ADAMTS3: variants seen among roughly 807,000 people sequenced by gnomAD.
The protein encoded by ADAMTS3 is A disintegrin and metalloproteinase with thrombospondin motifs 3.
A neutral mutation model predicts 129.0 loss-of-function variants in ADAMTS3; 73 were observed. The observed-to-expected ratio is 0.57, with a 90% CI of 0.47 to 0.69. The LOEUF is 0.69. Among genes scored for constraint, ADAMTS3 ranks in the 30% least tolerant of loss-of-function variants. The probability of loss-of-function intolerance (pLI) is 0.00; values close to 1 mark genes in which losing one functional copy is unlikely to be tolerated. For missense variants in ADAMTS3, 1,457 were observed against 1,514.5 expected, an observed-to-expected ratio of 0.96 and a Z score of 0.63; for synonymous variants, 477 against 510.8, an observed-to-expected ratio of 0.93 and a Z score of 0.89.
chr4:72,303,858 A>G, intron 17 of ADAMTS3, 59 bp downstream of exon 17: 3 of 1,558,060 alleles, frequency 1.9e-6, no homozygotes, highest in Non-Finnish European at 2.6e-6. Context: ...GTGTTTTCAG[A>G]TAAATTAATT....
intron 3 of ADAMTS3, among the ~76,000 whole-genome samples, chr4:72,510,426 T>C (rs528320866): frequency 5.3e-5 from 8 of 152,176 alleles, no homozygotes; most frequent in African/African-American, 1.9e-4. Flanking sequence ...TCAGTAAAGT[T>C]GCAGGATACA....
chr4:72,290,961 T>C lies in ADAMTS3; in HGVS notation c.2825A>G (p.Asn942Ser), dbSNP rs143166648. The C allele has an allele frequency of 3.3e-3, 5,370 of 1,613,996 alleles. 17 individuals carry two copies. Among genetic ancestry groups the C allele is most frequent in the Middle Eastern group, 8.4e-3 (51 of 6,060 alleles). Reference protein sequence around the residue: ...RCLQPLLDGTNRSVHSKYCMG... With the variant: ...RCLQPLLDGTSRSVHSKYCMG... ...GCAGTATTTGCTGTGCACAGAGCGG[T>C]TGGTGCCATCAAGGAGTGGCTGAAG... is the stretch of plus-strand genomic sequence containing the variant. Residue 942 changes from asparagine (N) to serine (S), a missense_variant, in exon 20 of 22, where the codon AAC becomes AGC. By Grantham distance (46) the Asn-to-Ser change is conservative (BLOSUM62 1). Coordinates refer to ENST00000286657, the MANE Select transcript of ADAMTS3 (RefSeq NM_014243.3).
chr4:72,445,293 TC>T (rs1205542940), intron 3 of ADAMTS3, among the ~76,000 whole-genome samples: 1 of 151,714 alleles, frequency 6.6e-6, no homozygotes, highest in African/African-American at 2.4e-5. Context: ...AAATACTTGC[TC>T]ATGTTTATAA....
intron 4 of ADAMTS3, among the ~76,000 whole-genome samples, chr4:72,364,380 C>T (rs577569957): frequency 5.9e-5 from 9 of 151,768 alleles, no homozygotes; most frequent in African/African-American, 1.2e-4. Flanking sequence ...TTTGGGAGGC[C>T]GAGGCAGGTG....
intron 5 of ADAMTS3, among the ~76,000 whole-genome samples, chr4:72,338,032 A>C (rs1388068064): frequency 6.6e-6 from 1 of 152,110 alleles, no homozygotes; most frequent in South Asian, 2.1e-4. Context: ...ATTTTAGATA[A>C]CTTATGAAGT....
chr4:72,419,105 A>C (rs1722379947), intron 3 of ADAMTS3, among the ~76,000 whole-genome samples: 1 of 152,154 alleles, frequency 6.6e-6, no homozygotes, highest in Non-Finnish European at 1.5e-5. Context: ...CCTCACAAAA[A>C]TGAGGTGCCC....
intron 4 of ADAMTS3, among the ~76,000 whole-genome samples, chr4:72,349,316 T>C (rs1355895899): frequency 6.6e-6 from 1 of 152,042 alleles, no homozygotes; most frequent in Non-Finnish European, 1.5e-5. Context: ...TGATCATACA[T>C]GATTGATCAT....
Position 72,526,568 on chromosome 4 carries a change from TTATG to T in ADAMTS3, c.504+21906_504+21909del, listed in dbSNP as rs1241783919. On this transcript the variant is annotated intron_variant, in intron 3 of 21. Coordinates refer to ENST00000286657, the MANE Select transcript of ADAMTS3 (RefSeq NM_014243.3). ...AATTAATAAAATATACTAATGAAAT[TTATG>T]TGTGTGTGTGTGTGTGTGTGTGTGT... Among the ~76,000 whole-genome samples, 85 of 28,132 alleles carry T rather than the reference TTATG, an allele frequency of 3.0e-3. 1 individual carries two copies. Among genetic ancestry groups the T allele is most frequent in the African/African-American group, 8.5e-3 (84 of 9,916 alleles). The allele number at this position is 28,132 out of a possible 152,430, so 18.5% of individuals were successfully genotyped here.
intron 7 of ADAMTS3, 59 bp downstream of exon 7, chr4:72,320,655 A>C (rs1719528206): frequency 6.1e-5 from 95 of 1,552,048 alleles, no homozygotes; most frequent in Non-Finnish European, 8.2e-5. Flanking sequence ...TGCCTGATTT[A>C]GGATTACTTT....
chr4:72,295,574 A>G (rs1718782900), intron 19 of ADAMTS3, 80 bp downstream of exon 19: 1 of 1,451,980 alleles, frequency 6.9e-7, no homozygotes, highest in Non-Finnish European at 9.3e-7. Context: ...GACTGAAAAT[A>G]AAATCAAAAC....
chr4:72,369,229 G>A (rs1291747620), intron 4 of ADAMTS3, among the ~76,000 whole-genome samples: 2 of 151,998 alleles, frequency 1.3e-5, no homozygotes, highest in Non-Finnish European at 2.9e-5. Context: ...TATAAATAAT[G>A]GTAAGAGAAA....
chr4:72,485,382 T>C (rs1000008351), intron 3 of ADAMTS3, among the ~76,000 whole-genome samples: 1 of 152,160 alleles, frequency 6.6e-6, no homozygotes, highest in Non-Finnish European at 1.5e-5. Flanking sequence ...TTAGAAGTGA[T>C]ATAAATTTTT....
chr4:72,292,512 GA>G (rs967990242), intron 19 of ADAMTS3, among the ~76,000 whole-genome samples: 4 of 152,162 alleles, frequency 2.6e-5, no homozygotes, highest in African/African-American at 7.2e-5. Flanking sequence ...AACATTTCCA[GA>G]GGCATTTTCC....
intron 3 of ADAMTS3, among the ~76,000 whole-genome samples, chr4:72,430,139 T>C (rs1488499421): frequency 2.0e-5 from 3 of 152,034 alleles, no homozygotes; most frequent in Admixed American, 2.0e-4. Flanking sequence ...ATTGTTCTTA[T>C]CCCACATGAT....
chr4:72,463,554 C>A (rs1361347941), intron 3 of ADAMTS3, among the ~76,000 whole-genome samples: 3 of 151,912 alleles, frequency 2.0e-5, no homozygotes, highest in African/African-American at 7.2e-5. Context: ...ACAGCTCCTC[C>A]AATTTCTAAC....
chr4:72,462,797 T>A (rs1398162106), intron 3 of ADAMTS3, among the ~76,000 whole-genome samples: 1 of 151,774 alleles, frequency 6.6e-6, no homozygotes, highest in Non-Finnish European at 1.5e-5. Flanking sequence ...TTTGGGTTAT[T>A]ATAAGAGTTT....
chr4:72,353,211 G>T (rs956188141), intron 4 of ADAMTS3, among the ~76,000 whole-genome samples: 2 of 151,914 alleles, frequency 1.3e-5, no homozygotes, highest in African/African-American at 4.8e-5. Context: ...TTGTTACAGT[G>T]ATTATCTTAG....
At chr4:72,559,133 A>G (rs1414842899) in intron 2 of ADAMTS3, among the ~76,000 whole-genome samples, 1 of 151,738 alleles carries the variant, frequency 6.6e-6, no homozygotes, top group Non-Finnish European at 1.5e-5. Context: ...AGTCCATGAG[A>G]GTATCATTTG....
At chr4:72,487,250 A>G (rs576668165) in intron 3 of ADAMTS3, among the ~76,000 whole-genome samples, 8 of 152,158 alleles carry the variant, frequency 5.3e-5, no homozygotes, top group Non-Finnish European at 1.2e-4. Context: ...TGTTCAGGAA[A>G]ACAAATAAGT....
Sources: gnomAD v4.1 joint callset for allele counts (sites outside exome capture counted in the v4.1 genomes callset) on GRCh38, gnomAD v4.1.1 for gene constraint, MANE v1.5 for transcripts, NCBI Gene and HGNC (gene_info 2026-07-23, HGNC 2026-07-21) for gene names.